KCNMA1: variants seen among roughly 807,000 people sequenced by gnomAD.
KCNMA1 encodes Calcium-activated potassium channel subunit alpha-1.
A neutral mutation model predicts 140.0 loss-of-function variants in KCNMA1; 29 were observed. The ratio of observed to expected loss-of-function variants is 0.21; its 90% CI spans 0.15 to 0.28. The LOEUF (loss-of-function observed/expected upper bound fraction) is 0.28. Among genes scored for constraint, KCNMA1 ranks in the 10% least tolerant of loss-of-function variants. The pLI is 1.00. For synonymous variants in KCNMA1, 612 were observed against 611.9 expected (o/e 1.00, Z 0.00); for missense variants, 880 against 1,602.2 (o/e 0.55, Z 7.70).
intron 17 of KCNMA1, among the ~76,000 whole-genome samples, chr10:77,015,625 T>C (rs963702518): frequency 1.3e-5 from 2 of 152,134 alleles, no homozygotes; most frequent in African/African-American, 4.8e-5. Flanking sequence ...GTATGTTTAG[T>C]ACACATCTCC....
At chr10:76,912,392 TA>T (rs1424224643) in intron 24 of KCNMA1, 2 of 152,188 alleles carry the variant, frequency 1.3e-5, no homozygotes, top group Admixed American at 1.3e-4. Context: ...CTGTGTCTCT[TA>T]AAATTCATTA....
intron 1 of KCNMA1, among the ~76,000 whole-genome samples, chr10:77,632,944 G>T (rs1465873251): frequency 1.3e-5 from 2 of 152,240 alleles, no homozygotes; most frequent in Non-Finnish European, 1.5e-5. Flanking sequence ...AAGATGCCCT[G>T]CTAATAAATG....
At chr10:77,282,891 T>TA (rs536890343) in intron 2 of KCNMA1, among the ~76,000 whole-genome samples, 33 of 152,192 alleles carry the variant, frequency 2.2e-4, no homozygotes, top group Middle Eastern at 6.8e-3. Context: ...ACTTTTGACA[T>TA]AAAAAAACAA....
chr10:77,068,027 C>T (rs908391073), intron 14 of KCNMA1, among the ~76,000 whole-genome samples: 2 of 152,176 alleles, frequency 1.3e-5, no homozygotes, highest in African/African-American at 4.8e-5. Flanking sequence ...CTCACATTTC[C>T]TTTCAGTATA....
intron 1 of KCNMA1, chr10:77,635,939 T>C (rs1314942899): frequency 1.2e-5 from 2 of 163,906 alleles, no homozygotes; most frequent in African/African-American, 4.8e-5. Context: ...CCCTGGTGTT[T>C]TCATAGCCAG....
chr10:77,420,243 C>T (rs568168802), intron 1 of KCNMA1, among the ~76,000 whole-genome samples: 15 of 152,340 alleles, frequency 9.8e-5, no homozygotes, highest in African/African-American at 3.1e-4. Context: ...CACCTCTTTG[C>T]TCTCTGTAAG....
In KCNMA1 at chr10:77,153,956, G is replaced by A. The variant is rs11002047; in HGVS notation, c.808+29465C>T. Among the ~76,000 whole-genome samples, 1,403 of 152,230 alleles carry A rather than the reference G, an allele frequency of 9.2e-3. 75 individuals carry two copies. In the East Asian group the frequency reaches 0.15, roughly 16 times the overall value. ...AATGAGAAAATGTCTGTTGTTCACA[G>A]GTGATATAGTTAGGCTCTGTGTCCC... On this transcript the variant is annotated intron_variant, in intron 5 of 27. Coordinates refer to ENST00000286628, the MANE Select transcript of KCNMA1 (RefSeq NM_001161352.2).
chr10:77,382,862 T>C (rs1182485055), intron 2 of KCNMA1, among the ~76,000 whole-genome samples: 2 of 27,268 alleles, frequency 7.3e-5, no homozygotes, highest in Non-Finnish European at 1.3e-4. Context: ...CAAAGCTCCG[T>C]CTCAAAAAAA....
intron 20 of KCNMA1, among the ~76,000 whole-genome samples, chr10:76,962,945 A>T (rs1193365601): frequency 6.6e-6 from 1 of 152,214 alleles, no homozygotes; most frequent in African/African-American, 2.4e-5. Context: ...GGGTTCTTGC[A>T]TCATTTTTCA....
intron 16 of KCNMA1, among the ~76,000 whole-genome samples, chr10:77,025,998 A>AAAATATATATAT (rs370771543): frequency 7.1e-6 from 1 of 139,932 alleles, no homozygotes; most frequent in Admixed American, 7.2e-5. Context: ...AGAAAAAAAA[A>AAAATATATATAT]ATATATATAT....
intron 5 of KCNMA1, chr10:77,149,801 G>A (rs1018733120): frequency 1.3e-5 from 2 of 152,200 alleles, no homozygotes; most frequent in Non-Finnish European, 2.9e-5. Flanking sequence ...CTACTGGTGA[G>A]TGACAGAGGA....
intron 14 of KCNMA1, among the ~76,000 whole-genome samples, chr10:77,044,798 A>G (rs1291954494): frequency 6.6e-6 from 1 of 152,252 alleles, no homozygotes; most frequent in Non-Finnish European, 1.5e-5. Flanking sequence ...AAACCTGCTG[A>G]CAGTCACAAA....
intron 1 of KCNMA1, among the ~76,000 whole-genome samples, chr10:77,413,759 C>A (rs1162267766): frequency 6.6e-6 from 1 of 152,162 alleles, no homozygotes; most frequent in Admixed American, 6.5e-5. Context: ...ACCAGCAGGG[C>A]TTAAGACATT....
Position 76,969,946 on chromosome 10 carries a change from ACCGTGGGCAACCAG to A in KCNMA1, c.2360+14_2360+27del, listed in dbSNP as rs1287974494. On this transcript the variant is annotated intron_variant, in intron 20 of 27. Coordinates refer to ENST00000286628, the MANE Select transcript of KCNMA1 (RefSeq NM_001161352.2). ...GAGGAAGAGAAGGGCTAAGAGGGAA[ACCGTGGGCAACCAG>A]CCCCTCTCCTTACCTCATCAGCTTA... The A allele has an allele frequency of 1.9e-6, 3 of 1,563,330 alleles. No individual in the cohort carries two copies. The East Asian group carries it at 6.7e-5, about 35-fold the overall frequency.
intron 5 of KCNMA1, among the ~76,000 whole-genome samples, chr10:77,123,377 A>G (rs1238696410): frequency 1.3e-5 from 2 of 152,056 alleles, no homozygotes; most frequent in African/African-American, 2.4e-5. Flanking sequence ...TGTGTGCATA[A>G]AGTTTCCAAA....
chr10:77,369,045 A>C (rs2094527812), intron 2 of KCNMA1, among the ~76,000 whole-genome samples: 1 of 152,178 alleles, frequency 6.6e-6, no homozygotes, highest in Non-Finnish European at 1.5e-5. Flanking sequence ...TTTTCACATA[A>C]ATTTTAGAAA....
At chr10:77,508,870 G>A (rs1445963488) in intron 1 of KCNMA1, among the ~76,000 whole-genome samples, 1 of 151,898 alleles carries the variant, frequency 6.6e-6, no homozygotes, top group African/African-American at 2.4e-5. Flanking sequence ...GCCTACTCCA[G>A]GTATCTCATA....
intron 16 of KCNMA1, among the ~76,000 whole-genome samples, chr10:77,025,611 T>C (rs533957883): frequency 6.6e-6 from 1 of 151,960 alleles, no homozygotes; most frequent in Non-Finnish European, 1.5e-5. Context: ...AACAGTATCA[T>C]GGGGTGAAAC....
chr10:76,981,816 C>A (rs1041784099), intron 19 of KCNMA1, among the ~76,000 whole-genome samples: 1 of 152,208 alleles, frequency 6.6e-6, no homozygotes, highest in South Asian at 2.1e-4. Context: ...GTGTTCTACT[C>A]CCCCAGCTAG....
Sources: gnomAD v4.1 joint callset for allele counts (sites outside exome capture counted in the v4.1 genomes callset) on GRCh38, gnomAD v4.1.1 for gene constraint, MANE v1.5 for transcripts, NCBI Gene and HGNC (gene_info 2026-07-23, HGNC 2026-07-21) for gene names.